The following LRRC7 variants were observed in gnomAD, a reference collection of about 807,000 sequenced individuals.
The protein encoded by LRRC7 is leucine rich repeat containing 7.
Under a neutral mutation model 175.7 loss-of-function variants are expected in LRRC7, and 23 were observed. The observed-to-expected ratio is 0.13, with a 90% CI of 0.09 to 0.19. The LOEUF (loss-of-function observed/expected upper bound fraction) is 0.19. Ranked by LOEUF, LRRC7 falls within the 10% of genes least tolerant of loss-of-function variation. The pLI is 1.00. For missense variants in LRRC7, 1,354 were observed against 1,904.7 expected (o/e 0.71, Z 5.38); for synonymous variants, 685 against 680.9 (o/e 1.01, Z -0.09).
intron 23 of LRRC7, among the ~76,000 whole-genome samples, chr1:70,069,017 C>T (rs1450882679): frequency 6.6e-6 from 1 of 152,100 alleles, no homozygotes; most frequent in African/African-American, 2.4e-5. Context: ...CTTTAAATTA[C>T]AGGTTTTATT....
chr1:69,796,216 G>A (rs1482542724), intron 4 of LRRC7, among the ~76,000 whole-genome samples: 6 of 146,630 alleles, frequency 4.1e-5, no homozygotes, highest in African/African-American at 1.0e-4. Context: ...AGAACATGTA[G>A]TGTTTGGTTT....
At position 70,127,812 on chromosome 1, in the gene LRRC7, A is replaced by G. The variant is rs961199583; in HGVS notation, c.*5925A>G. On this transcript the variant is annotated 3_prime_UTR_variant, in exon 27 of 27. Coordinates refer to ENST00000651989, the MANE Select transcript of LRRC7 (RefSeq NM_001370785.2). Reference sequence around the variant, plus strand: ...CACGCAGCATTTATGTAAACATTCCATGACTCTTATTAGTCTACGGTTGGA... The same window carrying G: ...CACGCAGCATTTATGTAAACATTCCGTGACTCTTATTAGTCTACGGTTGGA... Among the ~76,000 whole-genome samples the G allele has an allele frequency of 1.3e-5, 2 of 152,206 alleles. No individual in the cohort carries two copies. Among genetic ancestry groups the G allele is most frequent in the South Asian group, 2.1e-4 (1 of 4,834 alleles).
intron 8 of LRRC7, among the ~76,000 whole-genome samples, chr1:69,945,934 T>C (rs1649262867): frequency 6.6e-6 from 1 of 152,136 alleles, no homozygotes; most frequent in African/African-American, 2.4e-5. Flanking sequence ...AGCAGAGACA[T>C]TTTACATCTC....
chr1:69,928,531 G>C (rs569095962), intron 7 of LRRC7, among the ~76,000 whole-genome samples: 24 of 152,170 alleles, frequency 1.6e-4, no homozygotes, highest in Non-Finnish European at 2.6e-4. Context: ...CTCCCCCAGC[G>C]TTGCTGCCGC....
chr1:69,699,670 C>T (rs906030315), intron 2 of LRRC7, among the ~76,000 whole-genome samples: 2 of 150,136 alleles, frequency 1.3e-5, no homozygotes, highest in African/African-American at 4.8e-5. Context: ...AAGTTTTTGC[C>T]TGTGGGGTTC....
intron 1 of LRRC7, among the ~76,000 whole-genome samples, chr1:69,619,955 T>G (rs1650292092): frequency 6.6e-6 from 1 of 152,144 alleles, no homozygotes; most frequent in Non-Finnish European, 1.5e-5. Flanking sequence ...ATATAAAAAG[T>G]TCATTGCTTT....
At chr1:69,693,384 A>T (rs893998779) in intron 2 of LRRC7, among the ~76,000 whole-genome samples, 1 of 152,180 alleles carries the variant, frequency 6.6e-6, no homozygotes, top group Non-Finnish European at 1.5e-5. Flanking sequence ...GTATGTATAG[A>T]GAGAGATTTA....
At chr1:69,689,787 A>G (rs1429765493) in intron 2 of LRRC7, among the ~76,000 whole-genome samples, 1 of 152,214 alleles carries the variant, frequency 6.6e-6, no homozygotes, top group African/African-American at 2.4e-5. Flanking sequence ...TTATGCTTCT[A>G]TTAATACCTC....
At position 70,036,129 on chromosome 1, in the gene LRRC7, T is replaced by C; in HGVS notation, c.2004T>C (p.Phe668=). 1.2e-5 allele frequency: 20 copies of C among 1,609,808 alleles called. No individual in the cohort carries two copies. The highest frequency in any genetic ancestry group is 1.5e-5 in the Non-Finnish European group (18 of 1,178,114). ...APKEITVEDS[F]VHPANEMRIG... is the part of the protein sequence containing the mutation. The stretch of plus-strand genomic sequence containing the variant: ...ATTATTATATCTCTCAGGATTCTTT[T>C]GTTCATCCAGCTAATGAAATGAGGA... The change falls in exon 19 of 27, where the codon TTT becomes TTC. Residue 668 remains phenylalanine (F), a synonymous_variant. Coordinates refer to ENST00000651989, the MANE Select transcript of LRRC7 (RefSeq NM_001370785.2).
chr1:69,981,487 A>T (rs1181385798), intron 9 of LRRC7, among the ~76,000 whole-genome samples: 1 of 152,242 alleles, frequency 6.6e-6, no homozygotes, highest in African/African-American at 2.4e-5. Context: ...AAATATGCAC[A>T]TCTATTGTTC....
chr1:70,059,905 T>C (rs1240618130), intron 23 of LRRC7, among the ~76,000 whole-genome samples: 6 of 152,064 alleles, frequency 3.9e-5, no homozygotes, highest in Admixed American at 3.9e-4. Flanking sequence ...TCATTTAAAA[T>C]AAGTACAACT....
intron 2 of LRRC7, among the ~76,000 whole-genome samples, chr1:69,685,358 CCA>C (rs141940373): frequency 0.14 from 21,772 of 151,956 alleles, 1,730 homozygotes; most frequent in Admixed American, 0.18. Context: ...ACCAGAAAAA[CCA>C]CAGTCTGACA....
intron 7 of LRRC7, among the ~76,000 whole-genome samples, chr1:69,914,727 G>T (rs1292298678): frequency 6.6e-6 from 1 of 152,110 alleles, no homozygotes; most frequent in East Asian, 1.9e-4. Flanking sequence ...AGGGTTGATA[G>T]ACTATGTCTT....
intron 1 of LRRC7, among the ~76,000 whole-genome samples, chr1:69,591,474 T>G (rs1427537630): frequency 2.0e-5 from 3 of 151,954 alleles, no homozygotes; most frequent in African/African-American, 7.2e-5. Context: ...CACACATACT[T>G]TGAAGGAAGG....
At chr1:69,971,578 C>G (rs1162010505) in intron 8 of LRRC7, among the ~76,000 whole-genome samples, 2 of 152,024 alleles carry the variant, frequency 1.3e-5, no homozygotes, top group Non-Finnish European at 1.5e-5. Flanking sequence ...GGTGAAAGAC[C>G]TCTACAAGGA....
chr1:69,780,968 G>A (rs1254031138), intron 3 of LRRC7, among the ~76,000 whole-genome samples: 1 of 152,102 alleles, frequency 6.6e-6, no homozygotes, highest in Non-Finnish European at 1.5e-5. Context: ...TTTTGTATTT[G>A]TGGTGAAAAA....
chr1:70,039,118 A>C lies in LRRC7; in HGVS notation c.3294A>C (p.Gln1098His), dbSNP rs1659624472. The C allele has an allele frequency of 2.5e-6, 4 of 1,614,140 alleles. No individual in the cohort carries two copies. In the East Asian group the frequency reaches 8.9e-5, roughly 36 times the overall value. Residue 1098 changes from glutamine (Q) to histidine (H), a missense_variant, in exon 21 of 27, where the codon CAA becomes CAC. This residue lies in a region of LRRC7 where 1,032 missense variants were observed against 1,227.2 expected (regional missense o/e 0.84). Coordinates refer to ENST00000651989, the MANE Select transcript of LRRC7 (RefSeq NM_001370785.2). The stretch of plus-strand genomic sequence containing the variant: ...TTCAACACAATCCCGAGTACGTGCA[A>C]CAGGCCAGCAAAAACATCGCCAAGG... ...PPFQHNPEYV[Q>H]QASKNIAKDL...
intron 1 of LRRC7, among the ~76,000 whole-genome samples, chr1:69,621,677 A>G (rs952642552): frequency 1.4e-4 from 22 of 152,328 alleles, no homozygotes; most frequent in African/African-American, 5.1e-4. Context: ...TTGTGAAAGT[A>G]TGCCCATACC....
chr1:70,036,350 A>G (rs1205193851), intron 19 of LRRC7, 94 bp from the exon 20 acceptor site: 5 of 1,421,826 alleles, frequency 3.5e-6, no homozygotes, highest in Non-Finnish European at 4.8e-6. Context: ...ATGCATTTCT[A>G]ACCTTAATCG....
Sources: allele counts gnomAD v4.1 joint callset (sites outside exome capture counted in the v4.1 genomes callset), GRCh38; gene constraint gnomAD v4.1.1; regional missense constraint gnomAD v4.1.1; transcripts MANE v1.5; gene names NCBI Gene and HGNC (gene_info 2026-07-23, HGNC 2026-07-21).